The following TMTC4 variants were observed in gnomAD, a reference collection of about 807,000 sequenced individuals.
TMTC4 encodes the protein protein O-mannosyl-transferase TMTC4.
TMTC4 carries 65 observed loss-of-function variants against 86.0 expected under a neutral mutation model. The ratio of observed to expected loss-of-function variants is 0.76; its 90% CI spans 0.62 to 0.93. The LOEUF (loss-of-function observed/expected upper bound fraction) is 0.93. TMTC4 is among the 40% of genes least tolerant of loss of function. The pLI, the probability that TMTC4 is intolerant of heterozygous loss-of-function variation, is 0.00. For synonymous variants in TMTC4, 379 were observed against 382.5 expected, an observed-to-expected ratio of 0.99 and a Z score of 0.11; for missense variants, 866 against 948.1, an observed-to-expected ratio of 0.91 and a Z score of 1.14.
intron 12 of TMTC4, among the ~76,000 whole-genome samples, chr13:100,628,740 C>T (rs775107314): frequency 4.6e-5 from 7 of 152,134 alleles, no homozygotes; most frequent in African/African-American, 9.7e-5. Context: ...GGGAAGCCAA[C>T]GTCTGGTAGT....
chr13:100,607,639 A>G (rs1876868452), intron 17 of TMTC4, among the ~76,000 whole-genome samples: 1 of 149,788 alleles, frequency 6.7e-6, no homozygotes, highest in African/African-American at 2.5e-5. Flanking sequence ...GGCTTCCCAT[A>G]TCTGTGACTG....
Position 100,666,603 on chromosome 13 carries a change from C to A in TMTC4, c.219+1976G>T, listed in dbSNP as rs75331766. ...CACTTTATATGTCTTCTGCTTTACACAAGTGGAAGAGTCAAGATATTCTCA... is the reference window on the plus strand; with the variant it reads ...CACTTTATATGTCTTCTGCTTTACAAAAGTGGAAGAGTCAAGATATTCTCA... On this transcript the variant is annotated intron_variant, in intron 3 of 18. Transcript: ENST00000342624. Among the ~76,000 whole-genome samples, 865 of 152,306 alleles carry A rather than the reference C, an allele frequency of 5.7e-3. 13 individuals are homozygous for A. Among genetic ancestry groups the A allele is most frequent in the East Asian group, 0.019 (100 of 5,174 alleles).
At chr13:100,663,414 AG>A (rs1208393901) in intron 4 of TMTC4, among the ~76,000 whole-genome samples, 1 of 152,208 alleles carries the variant, frequency 6.6e-6, no homozygotes, top group Non-Finnish European at 1.5e-5. Flanking sequence ...TATGTGTCCA[AG>A]GGGAGTGGCG....
At chr13:100,651,978 G>T (rs1341403083) in intron 6 of TMTC4, among the ~76,000 whole-genome samples, 1 of 152,178 alleles carries the variant, frequency 6.6e-6, no homozygotes, top group Non-Finnish European at 1.5e-5. Flanking sequence ...CATCACTGCA[G>T]TGACAATAAA....
chr13:100,604,961 C>A lies in TMTC4; in HGVS notation c.*33G>T, dbSNP rs1252145165. The A allele has an allele frequency of 6.2e-7, 1 of 1,607,038 alleles. No homozygotes were observed. Among genetic ancestry groups the A allele is most frequent in the Non-Finnish European group, 8.5e-7 (1 of 1,177,004 alleles). ...ATTAATGATATGCCTCATGCACACA[C>A]ACACTCAAACTCAAAACATGAAGGA... On this transcript the variant is annotated 3_prime_UTR_variant, in exon 19 of 19. Transcript: ENST00000342624.
At chr13:100,648,973 GC>G (rs1206146701) in intron 6 of TMTC4, among the ~76,000 whole-genome samples, 3 of 152,194 alleles carry the variant, frequency 2.0e-5, no homozygotes, top group Non-Finnish European at 4.4e-5. Flanking sequence ...ACAGGTGTGA[GC>G]CACTGTGCCC....
chr13:100,624,356 A>AAT (rs1555341044), intron 15 of TMTC4: 1 of 150,348 alleles, frequency 6.7e-6, no homozygotes, highest in African/African-American at 2.4e-5. Context: ...AAAAAAAATA[A>AAT]AAAAAAAATA....
At chr13:100,621,286 G>T (rs1879432126) in intron 15 of TMTC4, among the ~76,000 whole-genome samples, 1 of 152,202 alleles carries the variant, frequency 6.6e-6, no homozygotes, top group African/African-American at 2.4e-5. Context: ...CAGCTACTAG[G>T]AGAGGGGAGA....
intron 7 of TMTC4, 42 bp downstream of exon 7, chr13:100,642,169 A>G: frequency 6.2e-7 from 1 of 1,603,122 alleles, no homozygotes; most frequent in Non-Finnish European, 8.5e-7. Context: ...AGGGAAAAGG[A>G]CACACAGAAA....
intron 12 of TMTC4, among the ~76,000 whole-genome samples, chr13:100,632,791 T>C (rs187781665): frequency 9.6e-4 from 146 of 152,244 alleles, no homozygotes; most frequent in African/African-American, 3.1e-3. Context: ...ATATGGAACA[T>C]AGACATGAAA....
chr13:100,611,975 G>A (rs564555278), intron 17 of TMTC4, among the ~76,000 whole-genome samples: 1 of 152,308 alleles, frequency 6.6e-6, no homozygotes, highest in South Asian at 2.1e-4. Context: ...ATAAAACCTA[G>A]AGCTCCAGCC....
intron 17 of TMTC4, among the ~76,000 whole-genome samples, chr13:100,610,641 G>C (rs562652684): frequency 1.7e-4 from 26 of 152,192 alleles, no homozygotes; most frequent in Middle Eastern, 6.8e-3. Flanking sequence ...GCTTTACAGA[G>C]TATTTTCTAC....
At chr13:100,626,930 G>A (rs1566584045) in intron 12 of TMTC4, among the ~76,000 whole-genome samples, 1 of 152,180 alleles carries the variant, frequency 6.6e-6, no homozygotes, top group Non-Finnish European at 1.5e-5. Context: ...CATGAGGGTG[G>A]AGGCCCATGA....
At chr13:100,614,507 AAAAAAG>A in intron 15 of TMTC4, 77 bp from the exon 16 acceptor site, 2 of 1,147,004 alleles carry the variant, frequency 1.7e-6, no homozygotes, top group Non-Finnish European at 2.5e-6. Flanking sequence ...TAAAAAAAAA[AAAAAAG>A]AAAGAAAAAG....
intron 3 of TMTC4, chr13:100,668,216 G>GTTT (rs34960647): frequency 2.2e-4 from 35 of 157,736 alleles, no homozygotes; most frequent in Middle Eastern, 2.8e-3. Flanking sequence ...TGCGTGATGG[G>GTTT]TTTTTTTTTT....
At chr13:100,642,530 G>A (rs1472467020) in intron 6 of TMTC4, among the ~76,000 whole-genome samples, 1 of 152,136 alleles carries the variant, frequency 6.6e-6, no homozygotes, top group African/African-American at 2.4e-5. Context: ...AACGTGCCCA[G>A]GGCCTTTGGG....
intron 6 of TMTC4, among the ~76,000 whole-genome samples, chr13:100,651,146 G>A (rs543469865): frequency 1.3e-5 from 2 of 152,242 alleles, no homozygotes; most frequent in South Asian, 2.1e-4. Context: ...CTATAAATGA[G>A]AATAAATTTC....
In TMTC4 at chr13:100,636,643, G is replaced by C. The variant is rs1220618224; in HGVS notation, c.1091C>G (p.Pro364Arg). Residue 364 changes from proline (P) to arginine (R), a missense_variant, in exon 10 of 19, where the codon CCC (proline) becomes CGC (arginine). By Grantham distance (103) the Pro-to-Arg change is moderately radical (BLOSUM62 -2). Coordinates refer to ENST00000342624, the MANE Select transcript of TMTC4 (RefSeq NM_032813.5). ...CCAGTCGCTGATGGACTTAATGAGG[G>C]GGATGCAGCCCATTGACCAATCAAA... ...LCFDWSMGCI[P>R]LIKSISDWRV... 2 of 1,614,034 alleles carry C rather than the reference G, an allele frequency of 1.2e-6. No homozygotes were observed. The highest frequency in any genetic ancestry group is 2.7e-5 in the African/African-American group (2 of 74,900).
At chr13:100,616,437 G>A (rs995942648) in intron 15 of TMTC4, among the ~76,000 whole-genome samples, 3 of 152,078 alleles carry the variant, frequency 2.0e-5, no homozygotes, top group African/African-American at 4.8e-5. Flanking sequence ...TCCTGACCTC[G>A]TAATCCACCT....
Sources: allele counts gnomAD v4.1 joint callset (sites outside exome capture counted in the v4.1 genomes callset), GRCh38; gene constraint gnomAD v4.1.1; transcripts MANE v1.5; gene names NCBI Gene and HGNC (gene_info 2026-07-23, HGNC 2026-07-21).